Variants in DUS1L observed in about 807,000 individuals in gnomAD.
DUS1L encodes the protein tRNA-dihydrouridine(16/17) synthase [NAD(P)(+)]-like.
A neutral mutation model predicts 61.2 loss-of-function variants in DUS1L; 56 were observed. The observed-to-expected ratio is 0.92, with a 90% confidence interval of 0.74 to 1.14. The LOEUF (loss-of-function observed/expected upper bound fraction) is 1.14. Ranked by LOEUF, DUS1L falls within the 50% of genes most tolerant of loss-of-function variation. DUS1L has a pLI of 0.00. For missense variants in DUS1L, 630 were observed against 632.4 expected (o/e 1.00, Z 0.04); for synonymous variants, 278 against 259.5 (o/e 1.07, Z -0.69).
intron 10 of DUS1L, 123 bp from the exon 11 acceptor site, chr17:82,060,216 A>G: frequency 7.7e-7 from 1 of 1,306,886 alleles, no homozygotes; most frequent in Non-Finnish European, 1.0e-6. Flanking sequence ...TGCTGTGAGG[A>G]GTGCCCTCCT....
chr17:82,057,923 G>A lies in DUS1L; in HGVS notation c.*192C>T. 1.8e-6 allele frequency: 1 copy of A among 543,662 alleles called. No individual in the cohort carries two copies. Among genetic ancestry groups the A allele is most frequent in the Non-Finnish European group, 3.0e-6 (1 of 334,152 alleles). The allele number at this position is 543,662 out of a possible 1,614,324, so 33.7% of individuals were successfully genotyped here. ...TTGTTCACTTTTGCACACGCGTGCT[G>A]AGGACAGGGCAGGTCCAGCCTGGGG... On this transcript the variant is annotated 3_prime_UTR_variant, in exon 14 of 14. Transcript: ENST00000306796.
chr17:82,058,819 C>G lies in DUS1L; in HGVS notation c.1169-1G>C. On this transcript the variant is annotated splice_acceptor_variant, in intron 11 of 13. Transcript: ENST00000306796. LOFTEE classifies it high-confidence loss of function. The stretch of plus-strand genomic sequence containing the variant: ...CACTGGTCACACTTTGCATATTTTG[C>G]TAGGAAAAGAACAAAAGGGTGCTGG... 1.2e-6 allele frequency: 2 copies of G among 1,613,020 alleles called. No individual in the cohort carries two copies. Among genetic ancestry groups the G allele is most frequent in the Non-Finnish European group, 1.7e-6 (2 of 1,179,638 alleles).
Position 82,061,719 on chromosome 17 carries a change from T to A in DUS1L, c.596A>T (p.Lys199Met). 1.1e-5 allele frequency: 17 copies of A among 1,612,754 alleles called. No individual in the cohort carries two copies. The highest frequency in any genetic ancestry group is 1.4e-5 in the Non-Finnish European group (17 of 1,179,810). The change falls in exon 7 of 14, where the codon AAG becomes ATG. Residue 199 changes from lysine to methionine, a missense_variant and splice_region_variant. Lys to Met is a moderately conservative substitution (Grantham distance 95). Transcript: ENST00000306796. ...ASWEHIKAVR[K>M]AVAIPVFANG... Reference sequence around the variant, plus strand: ...AGCAAACACAGGGATGGCCACAGCCTTCCTGTTGGCAGAGAAATGCCTGTT... The same window carrying A: ...AGCAAACACAGGGATGGCCACAGCCATCCTGTTGGCAGAGAAATGCCTGTT...
In DUS1L at chr17:82,059,045, T is replaced by C. The variant is rs1276941673; in HGVS notation, c.1169-227A>G. On this transcript the variant is annotated intron_variant, in intron 11 of 13. Coordinates refer to ENST00000306796, the MANE Select transcript of DUS1L (RefSeq NM_022156.5). ...GGGGCACCATCCTGCAGGAAACGGA[T>C]AGGAAGCAGGTGGGCTGGGGGGCCG... The C allele has an allele frequency of 5.2e-6, 3 of 571,702 alleles. No homozygotes were observed. The African/African-American group carries it at 5.6e-5, about 11-fold the overall frequency. The allele number at this position is 571,702 out of a possible 1,614,324, so 35.4% of individuals were successfully genotyped here.
chr17:82,060,144 G>A, intron 10 of DUS1L, 51 bp from the exon 11 acceptor site: 1 of 1,583,508 alleles, frequency 6.3e-7, no homozygotes, highest in Non-Finnish European at 8.6e-7. Flanking sequence ...GAGGGGCCCA[G>A]CAGCCACAGC....
At chr17:82,058,515 G>A (rs1200446394) in intron 12 of DUS1L, 99 bp from the exon 13 acceptor site, 1 of 1,468,302 alleles carries the variant, frequency 6.8e-7, no homozygotes, top group African/African-American at 1.4e-5. Context: ...TCTGCCAGAT[G>A]CCCACGGCCT....
At chr17:82,058,276 G>A in intron 13 of DUS1L, 22 bp from the exon 14 acceptor site, 1 of 1,558,592 alleles carries the variant, frequency 6.4e-7, no homozygotes, top group Non-Finnish European at 8.7e-7. Flanking sequence ...AGTGAGAGGA[G>A]TCGGGGGTCA....
chr17:82,063,167 C>T (rs2033594925), intron 4 of DUS1L, 194 bp from the exon 5 acceptor site: 12 of 637,662 alleles, frequency 1.9e-5, no homozygotes, highest in Non-Finnish European at 2.7e-5. Flanking sequence ...CCCGGCCCTC[C>T]GAAGTTCAAA....
Position 82,064,858 on chromosome 17 carries a change from C to G in DUS1L, c.202G>C (p.Glu68Gln). Residue 68 changes from glutamate (E) to glutamine (Q), a missense_variant, in exon 2 of 14, where the codon GAG becomes CAG. By Grantham distance (29) the Glu-to-Gln change is conservative. Coordinates refer to ENST00000306796, the MANE Select transcript of DUS1L (RefSeq NM_022156.5). The part of the protein sequence containing the change: ...ANYRKENLYC[E>Q]VCPEDRPLIV... ...AGGGGCCGGTCCTCGGGGCACACCT[C>G]GCAGTACAGGTTCTCCTTCCGGTAG... is the stretch of plus-strand genomic sequence containing the variant. 6.2e-7 allele frequency: 1 copy of G among 1,612,252 alleles called. No homozygotes were observed. Among genetic ancestry groups the G allele is most frequent in the Non-Finnish European group, 8.5e-7 (1 of 1,179,756 alleles).
intron 11 of DUS1L, 25 bp from the exon 12 acceptor site, chr17:82,058,843 G>C (rs762134622): frequency 8.7e-6 from 14 of 1,600,576 alleles, no homozygotes; most frequent in Non-Finnish European, 1.7e-6. Context: ...AAAGGGTGCT[G>C]GTGAGTGAGG....
At chr17:82,065,354 C>G (rs1888983872) in intron 1 of DUS1L, 3 of 385,186 alleles carry the variant, frequency 7.8e-6, no homozygotes, top group Non-Finnish European at 1.4e-5. Context: ...GGGAAGAAAC[C>G]TTGACGCCAG....
rs747121126 is a variant in DUS1L at position 82,062,899 on chromosome 17, C to T, written c.472G>A (p.Val158Met). The change falls in exon 5 of 14, where the codon GTG becomes ATG. Residue 158 changes from valine (V) to methionine (M), a missense_variant. Coordinates refer to ENST00000306796, the MANE Select transcript of DUS1L (RefSeq NM_022156.5). ...TTCTCCAGCATCTGGGCGTACCTCA[C>T]GGTCTTGTCAATCTCCGGGAAGACA... ...IRVFPEIDKT[V>M]RYAQMLEKAG... The T allele has an allele frequency of 3.4e-5, 55 of 1,612,870 alleles. No individual in the cohort carries two copies. The Admixed American group carries it at 5.8e-4, about 17-fold the overall frequency.
At position 82,060,054 on chromosome 17, in the gene DUS1L, G is replaced by A; in HGVS notation, c.1062C>T (p.Ser354=). The A allele has an allele frequency of 1.2e-6, 2 of 1,613,520 alleles. No homozygotes were observed. Among genetic ancestry groups the A allele is most frequent in the Non-Finnish European group, 1.7e-6 (2 of 1,179,936 alleles). The change falls in exon 11 of 14, where the codon AGC becomes AGT. Residue 354 remains serine (S), a synonymous_variant. Transcript: ENST00000306796. The stretch of plus-strand genomic sequence containing the variant: ...CCTCCTCTTCCTCCAGGGCCCGCTT[G>A]CTGCGCGCACCTGCCTTCTCCTTGC... ...EGSKEKAGAR[S]KRALEEEEGG...
At chr17:82,059,234 TC>T (rs146585335) in intron 11 of DUS1L, 149 of 197,170 alleles carry the variant, frequency 7.6e-4, no homozygotes, top group African/African-American at 3.3e-3. Flanking sequence ...AAGCCCCACT[TC>T]CTGCCTCTCC....
rs528262758 is a variant in DUS1L at position 82,058,204 on chromosome 17, C to T, written c.1333G>A (p.Glu445Lys). The change falls in exon 14 of 14, where the codon GAG (glutamate) becomes AAG (lysine). Residue 445 changes from glutamate to lysine, a missense_variant. By Grantham distance (56) the Glu-to-Lys change is moderately conservative (BLOSUM62 1). Coordinates refer to ENST00000306796, the MANE Select transcript of DUS1L (RefSeq NM_022156.5). ...GGCTCCTGCAGCTCAGGCTGGGCCT[C>T]TTTCCAGGCCAGAGACTTCTCCAAT... is the stretch of plus-strand genomic sequence containing the variant. Reference protein sequence around the residue: ...TKLEKSLAWKEAQPELQEPQP... With the variant: ...TKLEKSLAWKKAQPELQEPQP... The T allele has an allele frequency of 2.5e-6, 4 of 1,600,022 alleles. No individual in the cohort carries two copies. Among genetic ancestry groups the T allele is most frequent in the Non-Finnish European group, 3.4e-6 (4 of 1,170,506 alleles).
At position 82,064,358 on chromosome 17, in the gene DUS1L, T is replaced by G. The variant is rs866911847; in HGVS notation, c.238-124A>C. 1.5e-5 allele frequency: 12 copies of G among 784,262 alleles called. 1 individual carries two copies. Among genetic ancestry groups the G allele is most frequent in the Middle Eastern group, 3.0e-4 (1 of 3,362 alleles). 48.6% of individuals were successfully genotyped at this position (784,262 alleles called of 1,614,324 possible). On this transcript the variant is annotated intron_variant, in intron 2 of 13. Transcript: ENST00000306796. ...GCCCAGGTTCACTGCAGGAGGGTGC[T>G]CTGTCCTGCGGAGGCTTACAATATG... is the stretch of plus-strand genomic sequence containing the variant.
At position 82,064,885 on chromosome 17, in the gene DUS1L, T is replaced by G; in HGVS notation, c.175A>C (p.Asn59His). 6.2e-7 allele frequency: 1 copy of G among 1,612,700 alleles called. No homozygotes were observed. The highest frequency in any genetic ancestry group is 8.5e-7 in the Non-Finnish European group (1 of 1,179,874). Reference sequence around the variant, plus strand: ...CAGTACAGGTTCTCCTTCCGGTAGTTGGCGTCGCGGACAAAGACCTGGGCA... The same window carrying G: ...CAGTACAGGTTCTCCTTCCGGTAGTGGGCGTCGCGGACAAAGACCTGGGCA... ...LHAQVFVRDANYRKENLYCEV... is the reference protein window; with the variant it reads ...LHAQVFVRDAHYRKENLYCEV... Residue 59 changes from asparagine (N) to histidine (H), a missense_variant, in exon 2 of 14, where the codon AAC becomes CAC. Asn to His is a moderately conservative substitution (Grantham distance 68). Coordinates refer to ENST00000306796, the MANE Select transcript of DUS1L (RefSeq NM_022156.5).
Position 82,065,071 on chromosome 17 carries a change from T to TG in DUS1L, c.-10-3dup. 6.3e-7 allele frequency: 1 copy of TG among 1,582,850 alleles called. No homozygotes were observed. Among genetic ancestry groups the TG allele is most frequent in the Non-Finnish European group, 8.6e-7 (1 of 1,163,090 alleles). On this transcript the variant is annotated splice_region_variant and splice_polypyrimidine_tract_variant and intron_variant, in intron 1 of 13. Coordinates refer to ENST00000306796, the MANE Select transcript of DUS1L (RefSeq NM_022156.5). ...TGCAGCTTTGGCATCGTCTCCAGGC[T>TG]GGGGGAAAGGCGCAGACCCGGGGTT...
At chr17:82,062,134 C>T in intron 5 of DUS1L, 151 bp from the exon 6 acceptor site, 2 of 682,930 alleles carry the variant, frequency 2.9e-6, no homozygotes, top group Non-Finnish European at 4.8e-6. Flanking sequence ...ACTGCAGGGA[C>T]CTTTCCCTCA....
Sources: gnomAD v4.1 joint callset for allele counts on GRCh38, gnomAD v4.1.1 for gene constraint, MANE v1.5 for transcripts, NCBI Gene and HGNC (gene_info 2026-07-23, HGNC 2026-07-21) for gene names.